The following IFT52 variants were observed in gnomAD, a reference collection of about 807,000 sequenced individuals.
IFT52 encodes the protein intraflagellar transport 52, also known as intraflagellar transport protein 52 homolog.
In IFT52, 44 loss-of-function variants were observed where a neutral mutation model predicts 54.4. That is an observed-to-expected ratio of 0.81 (90% CI 0.63 to 1.04). IFT52 has a LOEUF of 1.04. Among genes scored for constraint, IFT52 ranks in the 50% least tolerant of loss-of-function variants. The pLI is 0.00. For synonymous variants in IFT52, 181 were observed against 185.3 expected, an observed-to-expected ratio of 0.98 and a Z score of 0.19; for missense variants, 452 against 523.6, an observed-to-expected ratio of 0.86 and a Z score of 1.33.
intron 10 of IFT52, among the ~76,000 whole-genome samples, chr20:43,627,441 T>C (rs1045532149): frequency 5.3e-5 from 8 of 152,154 alleles, no homozygotes; most frequent in Non-Finnish European, 1.2e-4. Context: ...GAAAGCTCAT[T>C]TGAAATTGGT....
intron 10 of IFT52, among the ~76,000 whole-genome samples, chr20:43,633,369 T>A (rs1395899968): frequency 1.3e-5 from 2 of 151,810 alleles, no homozygotes; most frequent in Non-Finnish European, 2.9e-5. Flanking sequence ...AAATTATTTA[T>A]CTTTCAAATC....
chr20:43,606,273 C>CTTTT (rs1173335571), intron 6 of IFT52, among the ~76,000 whole-genome samples: 1 of 134,940 alleles, frequency 7.4e-6, no homozygotes, highest in African/African-American at 2.8e-5. Context: ...AAATGAACAT[C>CTTTT]TTTTTTTTTT....
chr20:43,639,285 C>G (rs993461336), intron 12 of IFT52, among the ~76,000 whole-genome samples: 1 of 149,886 alleles, frequency 6.7e-6, no homozygotes, highest in African/African-American at 2.5e-5. Context: ...TGCCTATAAT[C>G]TGAACACTTC....
intron 10 of IFT52, among the ~76,000 whole-genome samples, chr20:43,626,434 C>CG (rs1984728652): frequency 6.6e-6 from 1 of 151,730 alleles, no homozygotes; most frequent in Non-Finnish European, 1.5e-5. Flanking sequence ...TTAGTAGAGT[C>CG]GGGGTTTCAC....
chr20:43,622,916 C>T (rs1984449942), intron 9 of IFT52, among the ~76,000 whole-genome samples: 1 of 151,766 alleles, frequency 6.6e-6, no homozygotes, highest in South Asian at 2.1e-4. Context: ...TAGTCCACAG[C>T]ATGTGTCATG....
At chr20:43,607,881 C>T (rs1983081514) in intron 6 of IFT52, among the ~76,000 whole-genome samples, 1 of 152,226 alleles carries the variant, frequency 6.6e-6, no homozygotes. Flanking sequence ...GAACAAGACT[C>T]CGTCTGCAAT....
At chr20:43,644,563 C>CTT (rs1361683948) in intron 13 of IFT52, among the ~76,000 whole-genome samples, 3 of 56,680 alleles carry the variant, frequency 5.3e-5, no homozygotes, top group South Asian at 6.4e-4. Context: ...GGGTGGATCA[C>CTT]GAGGTCAGGA....
In IFT52 at chr20:43,603,720, T is replaced by G. The variant is rs576168479; in HGVS notation, c.208-40T>G. The G allele has an allele frequency of 4.5e-5, 71 of 1,591,928 alleles. No homozygotes were observed. The Middle Eastern group carries it at 5.0e-4, about 11-fold the overall frequency. On this transcript the variant is annotated intron_variant, in intron 3 of 13. Coordinates refer to ENST00000373030, the MANE Select transcript of IFT52 (RefSeq NM_016004.5). ...ATTCATGGTATTTCGGGCAAAAGTC[T>G]TTCAAGTATATTCATAGATTGCTTT...
intron 2 of IFT52, among the ~76,000 whole-genome samples, chr20:43,595,969 A>G (rs1346921725): frequency 6.6e-6 from 1 of 152,236 alleles, no homozygotes; most frequent in Non-Finnish European, 1.5e-5. Flanking sequence ...TTGTTTTCCA[A>G]ATCACAAGCC....
intron 13 of IFT52, among the ~76,000 whole-genome samples, chr20:43,644,340 CA>C (rs1275005427): frequency 1.7e-5 from 1 of 58,550 alleles, no homozygotes; most frequent in East Asian, 5.7e-4. Context: ...TTCTAATCTT[CA>C]GAATTTGTTT....
chr20:43,637,511 C>T (rs1277453676), intron 12 of IFT52, among the ~76,000 whole-genome samples: 3 of 152,188 alleles, frequency 2.0e-5, no homozygotes, highest in Non-Finnish European at 2.9e-5. Context: ...GATCAGCCCG[C>T]CTCGGCCTCC....
chr20:43,601,730 A>G (rs1288463157), intron 3 of IFT52, among the ~76,000 whole-genome samples: 1 of 152,224 alleles, frequency 6.6e-6, no homozygotes, highest in Admixed American at 6.5e-5. Flanking sequence ...CTGGCTTGCT[A>G]TTATCAGTCA....
intron 2 of IFT52, among the ~76,000 whole-genome samples, chr20:43,595,086 C>T (rs187153145): frequency 8.6e-5 from 13 of 151,560 alleles, no homozygotes; most frequent in Admixed American, 8.6e-4. Context: ...GAGGCCAAGG[C>T]GGGTGGATCA....
intron 3 of IFT52, among the ~76,000 whole-genome samples, chr20:43,598,568 G>A (rs1982180767): frequency 6.6e-6 from 1 of 152,100 alleles, no homozygotes; most frequent in African/African-American, 2.4e-5. Context: ...GGTGGCACAT[G>A]CTTGTACTCC....
chr20:43,626,497 C>T (rs1209561613), intron 10 of IFT52, among the ~76,000 whole-genome samples: 3 of 152,154 alleles, frequency 2.0e-5, no homozygotes, highest in East Asian at 3.9e-4. Flanking sequence ...CCACCTACCT[C>T]GGCCTCCCAA....
chr20:43,615,070 A>G (rs1307849049), intron 7 of IFT52, among the ~76,000 whole-genome samples: 1 of 151,610 alleles, frequency 6.6e-6, no homozygotes, highest in African/African-American at 2.4e-5. Flanking sequence ...TGGCTTCCCA[A>G]AGTGCTGGGA....
chr20:43,640,607 A>G (rs1985848095), intron 12 of IFT52, among the ~76,000 whole-genome samples: 1 of 152,258 alleles, frequency 6.6e-6, no homozygotes, highest in African/African-American at 2.4e-5. Context: ...ACACAGAAGC[A>G]TACATAGCAA....
chr20:43,611,767 C>T (rs577847434), intron 6 of IFT52, among the ~76,000 whole-genome samples: 42 of 152,108 alleles, frequency 2.8e-4, no homozygotes, highest in Admixed American at 8.5e-4. Flanking sequence ...CAGTGGCTCA[C>T]ACCTGTAATC....
At chr20:43,605,174 G>C (rs1423355480) in intron 6 of IFT52, 101 bp downstream of exon 6, 3 of 1,526,828 alleles carry the variant, frequency 2.0e-6, no homozygotes, top group Non-Finnish European at 1.8e-6. Flanking sequence ...AAAATAATCA[G>C]AATTTGAACA....
Sources: gnomAD v4.1 joint callset for allele counts (sites outside exome capture counted in the v4.1 genomes callset) on GRCh38, gnomAD v4.1.1 for gene constraint, MANE v1.5 for transcripts, NCBI Gene and HGNC (gene_info 2026-07-23, HGNC 2026-07-21) for gene names.